Variants in GALNT11 observed in about 807,000 individuals in gnomAD.
The protein encoded by GALNT11 is polypeptide N-acetylgalactosaminyltransferase 11.
A neutral mutation model predicts 72.7 loss-of-function variants in GALNT11; 47 were observed. The ratio of observed to expected loss-of-function variants is 0.65; its 90% confidence interval spans 0.51 to 0.82. The LOEUF is 0.82. Among genes scored for constraint, GALNT11 ranks in the 40% least tolerant of loss-of-function variants. The pLI is 0.00. For missense variants in GALNT11, 677 were observed against 778.4 expected (o/e 0.87, Z 1.55); for synonymous variants, 270 against 286.6 (o/e 0.94, Z 0.58).
chr7:152,102,127 G>A (rs773349917), intron 3 of GALNT11, among the ~76,000 whole-genome samples: 1 of 152,136 alleles, frequency 6.6e-6, no homozygotes, highest in African/African-American at 2.4e-5. Context: ...AAACCTCATT[G>A]AGGAGAAGCT....
chr7:152,108,381 A>C (rs1047968711), intron 6 of GALNT11, 94 bp downstream of exon 6: 1 of 1,504,516 alleles, frequency 6.6e-7, no homozygotes, highest in Middle Eastern at 1.8e-4. Flanking sequence ...CTTTGTAAGG[A>C]GCAAAAGTGT....
At chr7:152,091,238 A>G (rs929630437) in intron 1 of GALNT11, among the ~76,000 whole-genome samples, 1 of 148,120 alleles carries the variant, frequency 6.8e-6, no homozygotes, top group African/African-American at 2.5e-5. Context: ...TTATTTTATT[A>G]TTATTATTAT....
intron 1 of GALNT11, among the ~76,000 whole-genome samples, chr7:152,061,496 A>G (rs1014740499): frequency 2.0e-5 from 3 of 152,096 alleles, no homozygotes; most frequent in Non-Finnish European, 4.4e-5. Flanking sequence ...CCATTTGTCA[A>G]TTTTGGCTTT....
intron 1 of GALNT11, among the ~76,000 whole-genome samples, chr7:152,068,182 C>T (rs753553400): frequency 6.6e-6 from 1 of 152,152 alleles, no homozygotes; most frequent in Non-Finnish European, 1.5e-5. Flanking sequence ...CCCTCTGCCT[C>T]CCCACCCTAT....
chr7:152,028,678 T>TCC (rs907615892), intron 1 of GALNT11, among the ~76,000 whole-genome samples: 5 of 150,366 alleles, frequency 3.3e-5, no homozygotes, highest in Non-Finnish European at 5.9e-5. Context: ...CACCTCTCAA[T>TCC]CCCCCCCCTC....
At chr7:152,112,257 G>C (rs749371095) in intron 7 of GALNT11, among the ~76,000 whole-genome samples, 1 of 152,060 alleles carries the variant, frequency 6.6e-6, no homozygotes, top group Non-Finnish European at 1.5e-5. Flanking sequence ...AGCAAGTTTT[G>C]GCTGGGTCCA....
At chr7:152,102,586 A>G (rs2087053059) in intron 3 of GALNT11, among the ~76,000 whole-genome samples, 1 of 152,132 alleles carries the variant, frequency 6.6e-6, no homozygotes, top group African/African-American at 2.4e-5. Flanking sequence ...TAGCAGGTAT[A>G]GGAGGGAGAC....
chr7:152,075,648 A>G (rs530387879), intron 1 of GALNT11, among the ~76,000 whole-genome samples: 13 of 152,252 alleles, frequency 8.5e-5, no homozygotes, highest in Admixed American at 8.5e-4. Flanking sequence ...CTACAAAAAT[A>G]CAAGCCGTGG....
chr7:152,111,818 T>A (rs991984355), intron 7 of GALNT11, among the ~76,000 whole-genome samples: 1 of 152,164 alleles, frequency 6.6e-6, no homozygotes, highest in African/African-American at 2.4e-5. Flanking sequence ...CCTAAGACCA[T>A]CCTAGTTCAT....
chr7:152,098,665 G>A (rs1452009492), intron 2 of GALNT11, among the ~76,000 whole-genome samples: 1 of 152,062 alleles, frequency 6.6e-6, no homozygotes, highest in Admixed American at 6.6e-5. Flanking sequence ...GTTGAATTAA[G>A]GAGTATTTAT....
chr7:152,099,635 G>C (rs147067525), intron 2 of GALNT11, among the ~76,000 whole-genome samples: 1 of 138,010 alleles, frequency 7.2e-6, no homozygotes, highest in Non-Finnish European at 1.5e-5. Flanking sequence ...CAATCTGCCC[G>C]CCTCCACTTC....
chr7:152,099,456 C>T (rs549820371), intron 2 of GALNT11, among the ~76,000 whole-genome samples: 37 of 141,734 alleles, frequency 2.6e-4, no homozygotes, highest in African/African-American at 7.0e-4. Flanking sequence ...CTCTGCCTTC[C>T]GGGTTTAAGA....
At chr7:152,082,378 T>C (rs1205325854) in intron 1 of GALNT11, among the ~76,000 whole-genome samples, 2 of 152,226 alleles carry the variant, frequency 1.3e-5, no homozygotes, top group South Asian at 2.1e-4. Flanking sequence ...CTGGTTTCCA[T>C]TGGCTGGAAC....
chr7:152,066,449 A>G (rs1034571545), intron 1 of GALNT11, among the ~76,000 whole-genome samples: 3 of 151,860 alleles, frequency 2.0e-5, no homozygotes, highest in Non-Finnish European at 2.9e-5. Flanking sequence ...ACTGTCCTGC[A>G]CCCACTGTCC....
chr7:152,067,944 A>G (rs1487078592), intron 1 of GALNT11, among the ~76,000 whole-genome samples: 3 of 152,116 alleles, frequency 2.0e-5, no homozygotes, highest in Non-Finnish European at 1.5e-5. Flanking sequence ...TGAAAGCAGG[A>G]GCAAGCAAGA....
chr7:152,099,882 A>G (rs1263417950), intron 2 of GALNT11, among the ~76,000 whole-genome samples: 1 of 145,232 alleles, frequency 6.9e-6, no homozygotes, highest in Non-Finnish European at 1.5e-5. Flanking sequence ...TTCCTGCCTC[A>G]GCCTCCTGAG....
At chr7:152,065,777 T>C (rs959596445) in intron 1 of GALNT11, among the ~76,000 whole-genome samples, 16 of 152,206 alleles carry the variant, frequency 1.1e-4, no homozygotes, top group African/African-American at 2.9e-4. Flanking sequence ...ACAGTAAATG[T>C]TGCTGCCTGA....
intron 1 of GALNT11, among the ~76,000 whole-genome samples, chr7:152,026,730 C>T (rs1367761492): frequency 6.6e-6 from 1 of 152,214 alleles, no homozygotes; most frequent in African/African-American, 2.4e-5. Flanking sequence ...AGAATGTAGC[C>T]GTTTGTCTCT....
At chr7:152,052,054 C>G (rs1032668959) in intron 1 of GALNT11, among the ~76,000 whole-genome samples, 1 of 152,146 alleles carries the variant, frequency 6.6e-6, no homozygotes. Flanking sequence ...TTCCCAGCCC[C>G]TTTCTGTTTG....
Sources: gnomAD v4.1 joint callset for allele counts (sites outside exome capture counted in the v4.1 genomes callset) on GRCh38, gnomAD v4.1.1 for gene constraint, MANE v1.5 for transcripts, NCBI Gene and HGNC (gene_info 2026-07-23, HGNC 2026-07-21) for gene names.